Variants in MYH11 observed in about 807,000 individuals in gnomAD.
MYH11 encodes the protein myosin heavy chain 11.
In MYH11, 80 loss-of-function variants were observed where a neutral mutation model predicts 246.6. That is an observed-to-expected ratio of 0.32 (90% confidence interval 0.27 to 0.39). The LOEUF (loss-of-function observed/expected upper bound fraction) is 0.39. Ranked by LOEUF, MYH11 falls within the 10% of genes least tolerant of loss-of-function variation. MYH11 has a pLI of 1.00. For missense variants in MYH11, 2,158 were observed against 2,546.8 expected, an observed-to-expected ratio of 0.85 and a Z score of 3.29; for synonymous variants, 1,071 against 1,015.5, an observed-to-expected ratio of 1.05 and a Z score of -1.04.
At position 15,714,939 on chromosome 16, in the gene MYH11, C is replaced by A. The variant is rs1284202501; in HGVS notation, c.5756G>T (p.Arg1919Leu). 3 of 1,614,046 alleles carry A rather than the reference C, an allele frequency of 1.9e-6. No individual in the cohort carries two copies. The highest frequency in any genetic ancestry group is 1.1e-5 in the South Asian group (1 of 91,082). ...CTTGCTCTTGAGTGCGTTCACCTCG[C>A]GGCCCATGGCCTCGTTGCTCTCCGT... is the stretch of plus-strand genomic sequence containing the variant. The part of the protein sequence containing the change: ...EATESNEAMG[R>L]EVNALKSKLR... Residue 1919 changes from arginine (R) to leucine (L), a missense_variant, in exon 40 of 41, where the codon CGC becomes CTC. Arg to Leu is a moderately radical substitution (Grantham distance 102). This residue lies in a region of MYH11 where 1,013 missense variants were observed against 993.5 expected (regional missense o/e 1.02). Coordinates refer to ENST00000300036, the MANE Select transcript of MYH11 (RefSeq NM_002474.3).
chr16:15,721,942 C>G (rs2040509417), intron 31 of MYH11, among the ~76,000 whole-genome samples: 1 of 152,234 alleles, frequency 6.6e-6, no homozygotes, highest in Non-Finnish European at 1.5e-5. Context: ...ACTGCAACCT[C>G]CGCCTCGTGG....
intron 19 of MYH11, among the ~76,000 whole-genome samples, chr16:15,746,422 G>A (rs1476385509): frequency 6.6e-6 from 1 of 152,106 alleles, no homozygotes; most frequent in Non-Finnish European, 1.5e-5. Flanking sequence ...ATCCAGGAAG[G>A]ACAGCAACAG....
intron 2 of MYH11, among the ~76,000 whole-genome samples, chr16:15,832,941 ATCTTT>A (rs2043779922): frequency 2.2e-4 from 19 of 86,202 alleles, no homozygotes; most frequent in African/African-American, 6.3e-4. Flanking sequence ...CAGCAACCTC[ATCTTT>A]TTTTTTTTTT....
chr16:15,838,482 G>C (rs2043966026), intron 1 of MYH11, among the ~76,000 whole-genome samples: 1 of 152,116 alleles, frequency 6.6e-6, no homozygotes, highest in African/African-American at 2.4e-5. Context: ...CCAAAAGTCA[G>C]ACAACCCAAA....
chr16:15,766,080 G>GCACAA (rs2041974034), intron 9 of MYH11, among the ~76,000 whole-genome samples: 1 of 152,102 alleles, frequency 6.6e-6, no homozygotes. Context: ...CCCTGACAGA[G>GCACAA]TTGTGACAAC....
At chr16:15,784,978 C>T (rs1266192470) in intron 5 of MYH11, 2 of 420,712 alleles carry the variant, frequency 4.8e-6, no homozygotes, top group Non-Finnish European at 8.4e-6. Context: ...AGACTACAGG[C>T]ATGCACACCA....
At position 15,721,527 on chromosome 16, in the gene MYH11, G is replaced by A. The variant is rs1374899050; in HGVS notation, c.4473C>T (p.Ala1491=). 6.2e-7 allele frequency: 1 copy of A among 1,614,182 alleles called. No individual in the cohort carries two copies. The highest frequency in any genetic ancestry group is 1.1e-5 in the South Asian group (1 of 91,078). ...KETKALSLAR[A]LEEALEAKEE... is the part of the protein sequence containing the mutation. ...CTTTGGCTTCCAAGGCCTCTTCAAG[G>A]GCCCGAGCCAGGGACAGGGCCTTGG... Residue 1491 remains alanine, a synonymous_variant, in exon 32 of 41, where the codon GCC becomes GCT. Coordinates refer to ENST00000300036, the MANE Select transcript of MYH11 (RefSeq NM_002474.3).
rs1026047359 is a variant in MYH11, at chr16:15,726,746, C to T, written c.3858+102G>A. The T allele has an allele frequency of 2.9e-6, 4 of 1,369,682 alleles. No homozygotes were observed. In the South Asian group the frequency reaches 3.5e-5, roughly 12 times the overall value. 84.8% of individuals were successfully genotyped at this position (1,369,682 alleles called of 1,614,324 possible). A position where few individuals can be genotyped will look rare whatever the true frequency, so the allele number is the denominator to read the frequency against. On this transcript the variant is annotated intron_variant, in intron 28 of 40. Coordinates refer to ENST00000300036, the MANE Select transcript of MYH11 (RefSeq NM_002474.3). ...GAACGCAACTAGAGGAAAGGACTTG[C>T]CTTGCAGCAAGAGAGACCTCAGCGA...
At chr16:15,733,903 A>G (rs565102274) in intron 26 of MYH11, among the ~76,000 whole-genome samples, 7 of 152,348 alleles carry the variant, frequency 4.6e-5, no homozygotes, top group Middle Eastern at 3.4e-3. Context: ...GCTGTGCTCT[A>G]TGTGCATGTG....
At chr16:15,726,049 C>T (rs1022007143) in intron 28 of MYH11, 14 of 212,216 alleles carry the variant, frequency 6.6e-5, no homozygotes, top group Middle Eastern at 3.3e-3. Flanking sequence ...CCTTTGCACA[C>T]GCTGTTCCCT....
intron 25 of MYH11, among the ~76,000 whole-genome samples, chr16:15,736,536 C>G (rs553566298): frequency 6.6e-6 from 1 of 152,190 alleles, no homozygotes; most frequent in Non-Finnish European, 1.5e-5. Flanking sequence ...ACCTCGGCTT[C>G]CCAAAGTGCT....
chr16:15,818,450 T>A (rs2151351946), intron 3 of MYH11, among the ~76,000 whole-genome samples: 1 of 152,312 alleles, frequency 6.6e-6, no homozygotes, highest in African/African-American at 2.4e-5. Context: ...TTATTTATTT[T>A]GAGATGGAGT....
intron 1 of MYH11, among the ~76,000 whole-genome samples, chr16:15,847,757 T>A (rs2044233906): frequency 6.6e-6 from 1 of 152,206 alleles, no homozygotes. Context: ...GCAGGCTGGA[T>A]TCCCTCTGGC....
At chr16:15,718,266 G>T in intron 37 of MYH11, 49 bp downstream of exon 37, 1 of 1,604,428 alleles carries the variant, frequency 6.2e-7, no homozygotes, top group Non-Finnish European at 8.5e-7. Flanking sequence ...GGATCCTGCT[G>T]CAGGAGAGAC....
intron 4 of MYH11, among the ~76,000 whole-genome samples, chr16:15,792,973 G>A (rs972931145): frequency 1.1e-4 from 16 of 152,280 alleles, no homozygotes; most frequent in East Asian, 7.7e-4. Context: ...GAGCTCAAGC[G>A]ATCAGCCTGC....
intron 3 of MYH11, among the ~76,000 whole-genome samples, chr16:15,800,265 A>G (rs928286067): frequency 6.6e-6 from 1 of 151,494 alleles, no homozygotes; most frequent in African/African-American, 2.4e-5. Context: ...AATGGACGGG[A>G]GGATAAATGG....
chr16:15,709,523 C>T (rs1235983919), intron 40 of MYH11, among the ~76,000 whole-genome samples: 3 of 152,100 alleles, frequency 2.0e-5, no homozygotes, highest in Admixed American at 6.6e-5. Context: ...CCATGTTGGC[C>T]ATGCTGGTCT....
intron 1 of MYH11, among the ~76,000 whole-genome samples, chr16:15,843,095 C>T (rs1236166362): frequency 2.0e-5 from 3 of 152,108 alleles, no homozygotes; most frequent in Non-Finnish European, 4.4e-5. Context: ...TCAAGCTGGG[C>T]ACGGTGGTTC....
chr16:15,819,939 A>C (rs16967390), intron 3 of MYH11, among the ~76,000 whole-genome samples: 29 of 152,152 alleles, frequency 1.9e-4, no homozygotes, highest in Non-Finnish European at 2.2e-4. Context: ...CACCTTGCCA[A>C]TTATTGGGTA....
Sources: allele counts gnomAD v4.1 joint callset (sites outside exome capture counted in the v4.1 genomes callset), GRCh38; gene constraint gnomAD v4.1.1; regional missense constraint gnomAD v4.1.1; transcripts MANE v1.5; gene names NCBI Gene and HGNC (gene_info 2026-07-23, HGNC 2026-07-21).